The following AGAP1 variants were observed in gnomAD, a reference collection of about 807,000 sequenced individuals.
The protein encoded by AGAP1 is ArfGAP with GTPase domain, ankyrin repeat and PH domain 1, also known as arf-GAP with GTPase, ANK repeat and PH domain-containing protein 1.
Under a neutral mutation model 105.3 loss-of-function variants are expected in AGAP1, and 29 were observed. The observed-to-expected ratio is 0.28, with a 90% CI of 0.21 to 0.38. The LOEUF is 0.38. Ranked by LOEUF, AGAP1 falls within the 10% of genes least tolerant of loss-of-function variation. The pLI, the probability that AGAP1 is intolerant of heterozygous loss-of-function variation, is 1.00. For missense variants in AGAP1, 998 were observed against 1,165.1 expected, an observed-to-expected ratio of 0.86 and a Z score of 2.09; for synonymous variants, 509 against 485.9, an observed-to-expected ratio of 1.05 and a Z score of -0.63.
intron 17 of AGAP1, among the ~76,000 whole-genome samples, chr2:236,122,940 C>A (rs544511440): frequency 5.3e-5 from 8 of 152,290 alleles, no homozygotes; most frequent in African/African-American, 1.7e-4. Flanking sequence ...TCCTCGGCCT[C>A]CCAAAGTGCT....
intron 9 of AGAP1, among the ~76,000 whole-genome samples, chr2:235,810,038 C>T (rs902162235): frequency 3.9e-5 from 6 of 152,200 alleles, no homozygotes; most frequent in Admixed American, 3.9e-4. Flanking sequence ...CTCTCTGCCC[C>T]TATGTCTGCG....
intron 6 of AGAP1, among the ~76,000 whole-genome samples, chr2:235,767,055 A>G (rs1955018780): frequency 6.6e-6 from 1 of 151,884 alleles, no homozygotes; most frequent in South Asian, 2.1e-4. Flanking sequence ...CTAGGATTAC[A>G]GCCCGCCACC....
chr2:235,810,318 T>A (rs888933451), intron 9 of AGAP1, among the ~76,000 whole-genome samples: 5 of 152,190 alleles, frequency 3.3e-5, no homozygotes, highest in Non-Finnish European at 7.3e-5. Context: ...TGCAGAGAAC[T>A]GTGTCTTAAT....
At chr2:235,643,431 C>CAAAAAAAAAAAAAAAAAAAAAAA (rs56146940) in intron 1 of AGAP1, among the ~76,000 whole-genome samples, 6 of 61,418 alleles carry the variant, frequency 9.8e-5, no homozygotes, top group African/African-American at 3.4e-4. Flanking sequence ...GACTGGGTCT[C>CAAAAAAAAAAAAAAAAAAAAAAA]AAAAAAAAAA....
At position 235,842,971 on chromosome 2, in the gene AGAP1, C is replaced by A. The variant is rs999311363; in HGVS notation, c.1050+35640C>A. On this transcript the variant is annotated intron_variant, in intron 9 of 17. Coordinates refer to ENST00000304032, the MANE Select transcript of AGAP1 (RefSeq NM_001037131.3). This position sits in a 1 kb window ranked among gnomAD's most constrained non-coding sequence, Gnocchi z 5.3. ...TGAACTCCTGACCTCAGGTGATCGG[C>A]CCGCCTCGGCCTCCCAAAGTGCTGG... Among the ~76,000 whole-genome samples the A allele has an allele frequency of 6.6e-6, 1 of 152,240 alleles. No individual in the cohort carries two copies. The highest frequency in any genetic ancestry group is 1.5e-5 in the Non-Finnish European group (1 of 68,048).
chr2:236,121,870 A>T lies in AGAP1; in HGVS notation c.2370+1423A>T, dbSNP rs1229268887. On this transcript the variant is annotated intron_variant, in intron 17 of 17. Coordinates refer to ENST00000304032, the MANE Select transcript of AGAP1 (RefSeq NM_001037131.3). The surrounding 1 kb of genome is among the most constrained non-coding windows in gnomAD (Gnocchi z 4.9). ...AATGGTTCCTGGCGAGGCCTCTCTC[A>T]CGGCTGGTAGACGGCCGCCCTCTCC... Among the ~76,000 whole-genome samples the T allele has an allele frequency of 6.6e-6, 1 of 152,066 alleles. No individual in the cohort carries two copies. The highest frequency in any genetic ancestry group is 2.4e-5 in the African/African-American group (1 of 41,374).
intron 6 of AGAP1, among the ~76,000 whole-genome samples, chr2:235,796,426 A>G (rs1330812149): frequency 6.6e-6 from 1 of 152,188 alleles, no homozygotes; most frequent in Admixed American, 6.5e-5. Flanking sequence ...TTTAAACATG[A>G]TTAGCTGATG....
Position 236,014,928 on chromosome 2 carries a change from C to T in AGAP1, c.1646-21633C>T. 2.8e-6 allele frequency: 1 copy of T among 352,508 alleles called. No homozygotes were observed. The highest frequency in any genetic ancestry group is 5.9e-6 in the Non-Finnish European group (1 of 170,792). The allele number at this position is 352,508 out of a possible 1,614,324, so 21.8% of individuals were successfully genotyped here. On this transcript the variant is annotated intron_variant, in intron 13 of 17. Coordinates refer to ENST00000304032, the MANE Select transcript of AGAP1 (RefSeq NM_001037131.3). This position sits in a 1 kb window ranked among gnomAD's most constrained non-coding sequence, Gnocchi z 6.3. ...GCCCACACCTCCACCTGCCTCTTCC[C>T]CTCTCATCCCCTGCCCGCCCCTTCC...
chr2:235,808,316 A>G (rs1042476887), intron 9 of AGAP1, among the ~76,000 whole-genome samples: 2 of 152,212 alleles, frequency 1.3e-5, no homozygotes, highest in Admixed American at 6.5e-5. Context: ...GGGCACCTAC[A>G]CAGCATCGGT....
At chr2:235,521,714 C>T (rs1431529108) in intron 1 of AGAP1, among the ~76,000 whole-genome samples, 1 of 142,366 alleles carries the variant, frequency 7.0e-6, no homozygotes, top group African/African-American at 2.6e-5. Context: ...GGGATCGATC[C>T]AGTTTCTTGT....
At position 235,919,572 on chromosome 2, in the gene AGAP1, A is replaced by C. The variant is rs527761242; in HGVS notation, c.1324+10666A>C. On this transcript the variant is annotated intron_variant, in intron 11 of 17. Coordinates refer to ENST00000304032, the MANE Select transcript of AGAP1 (RefSeq NM_001037131.3). The surrounding 1 kb of genome is among the most constrained non-coding windows in gnomAD (Gnocchi z 4.1). Reference sequence around the variant, plus strand: ...TTTGTAAGAACTGGAAAGCAGAGAAAGAAGTAGTAGTGAATACTTCTCAGG... The same window carrying C: ...TTTGTAAGAACTGGAAAGCAGAGAACGAAGTAGTAGTGAATACTTCTCAGG... 2.6e-5 allele frequency among the ~76,000 whole-genome samples: 4 copies of C among 152,290 alleles called. No individual in the cohort carries two copies. In the East Asian group the frequency reaches 7.7e-4, roughly 29 times the overall value.
At chr2:236,086,197 T>C (rs2058924350) in intron 16 of AGAP1, among the ~76,000 whole-genome samples, 2 of 152,236 alleles carry the variant, frequency 1.3e-5, no homozygotes, top group South Asian at 2.1e-4. Context: ...ATTAGCCTAA[T>C]AGATATTATT....
intron 9 of AGAP1, among the ~76,000 whole-genome samples, chr2:235,840,479 G>A (rs761427717): frequency 6.6e-6 from 1 of 152,204 alleles, no homozygotes; most frequent in Non-Finnish European, 1.5e-5. Context: ...TAGAAGCCAT[G>A]CACTGTGGTG....
At chr2:235,576,861 C>T (rs970812427) in intron 1 of AGAP1, among the ~76,000 whole-genome samples, 2 of 152,202 alleles carry the variant, frequency 1.3e-5, no homozygotes, top group African/African-American at 4.8e-5. Flanking sequence ...GCCATCTGGA[C>T]CCATCATGGG....
intron 10 of AGAP1, among the ~76,000 whole-genome samples, chr2:235,896,007 CT>C (rs1424479316): frequency 7.9e-5 from 12 of 152,160 alleles, no homozygotes; most frequent in Non-Finnish European, 1.5e-4. Flanking sequence ...TTTAAGTATA[CT>C]GTTCAGTAGT....
At position 235,642,128 on chromosome 2, in the gene AGAP1, A is replaced by G. The variant is rs1947217916; in HGVS notation, c.164-67051A>G. On this transcript the variant is annotated intron_variant, in intron 1 of 17. Coordinates refer to ENST00000304032, the MANE Select transcript of AGAP1 (RefSeq NM_001037131.3). The surrounding 1 kb of genome is among the most constrained non-coding windows in gnomAD (Gnocchi z 4.1). ...TACCTTACTTCCCCAGGGGCCCTCCAGAGGGTGCCCATCCACGGAGTGCGG... is the reference window on the plus strand; with the variant it reads ...TACCTTACTTCCCCAGGGGCCCTCCGGAGGGTGCCCATCCACGGAGTGCGG... Among the ~76,000 whole-genome samples, 1 of 152,168 alleles carries G rather than the reference A, an allele frequency of 6.6e-6. No homozygotes were observed. Among genetic ancestry groups the G allele is most frequent in the Non-Finnish European group, 1.5e-5 (1 of 68,040 alleles).
At chr2:235,534,714 T>C (rs1943153807) in intron 1 of AGAP1, among the ~76,000 whole-genome samples, 1 of 152,186 alleles carries the variant, frequency 6.6e-6, no homozygotes, top group Admixed American at 6.5e-5. Flanking sequence ...CGTTTCCTCA[T>C]TCAGGGACAC....
chr2:235,537,344 A>G (rs1250084863), intron 1 of AGAP1, among the ~76,000 whole-genome samples: 1 of 152,124 alleles, frequency 6.6e-6, no homozygotes, highest in Non-Finnish European at 1.5e-5. Context: ...AGAAAGGCAG[A>G]GGCCCTGAGG....
intron 9 of AGAP1, among the ~76,000 whole-genome samples, chr2:235,811,122 G>T (rs1386137909): frequency 6.6e-6 from 1 of 152,138 alleles, no homozygotes; most frequent in African/African-American, 2.4e-5. Context: ...AGGTCTGTTT[G>T]GGGGACAGCA....
Sources: gnomAD v4.1 joint callset for allele counts (sites outside exome capture counted in the v4.1 genomes callset) on GRCh38, gnomAD v4.1.1 for gene constraint, Gnocchi (gnomAD v3.1) non-coding constraint, MANE v1.5 for transcripts, NCBI Gene and HGNC (gene_info 2026-07-23, HGNC 2026-07-21) for gene names.